The following SLAIN1 variants were observed in gnomAD, a reference collection of about 807,000 sequenced individuals.
SLAIN1 encodes the protein SLAIN motif-containing protein 1.
Under a neutral mutation model 55.4 loss-of-function variants are expected in SLAIN1, and 17 were observed. The ratio of observed to expected loss-of-function variants is 0.31; its 90% CI spans 0.21 to 0.46. SLAIN1 has a LOEUF of 0.46. SLAIN1 is among the 20% of genes least tolerant of loss of function. SLAIN1 has a pLI of 1.00. For missense variants in SLAIN1, 682 were observed against 785.1 expected (o/e 0.87, Z 1.57); for synonymous variants, 348 against 337.4 (o/e 1.03, Z -0.35).
chr13:77,760,755 T>C (rs1487786720), intron 5 of SLAIN1, 73 bp from the exon 6 acceptor site: 3 of 1,528,186 alleles, frequency 2.0e-6, no homozygotes, highest in Non-Finnish European at 2.7e-6. Context: ...TGGACTCTTC[T>C]GAAAATAACA....
At chr13:77,740,903 A>G (rs530117013) in intron 2 of SLAIN1, among the ~76,000 whole-genome samples, 1 of 151,996 alleles carries the variant, frequency 6.6e-6, no homozygotes, top group East Asian at 1.9e-4. Flanking sequence ...GTGGAGCATT[A>G]TTGTTTTGTT....
chr13:77,757,910 T>G (rs1312249398), intron 5 of SLAIN1, among the ~76,000 whole-genome samples: 1 of 152,160 alleles, frequency 6.6e-6, no homozygotes, highest in African/African-American at 2.4e-5. Context: ...ATGTGTCTTT[T>G]TTTCAAATAA....
intron 2 of SLAIN1, among the ~76,000 whole-genome samples, chr13:77,737,237 A>G (rs567478036): frequency 3.3e-5 from 5 of 151,974 alleles, no homozygotes; most frequent in African/African-American, 1.2e-4. Flanking sequence ...CTTCAGCTCA[A>G]ATGTGGCTCA....
chr13:77,720,265 CTG>C (rs2091248931), intron 2 of SLAIN1, among the ~76,000 whole-genome samples: 1 of 152,136 alleles, frequency 6.6e-6, no homozygotes, highest in Non-Finnish European at 1.5e-5. Context: ...CTACTTGAAG[CTG>C]TAATTATGTA....
intron 2 of SLAIN1, among the ~76,000 whole-genome samples, chr13:77,742,127 A>T (rs910440935): frequency 2.0e-5 from 3 of 151,856 alleles, no homozygotes; most frequent in African/African-American, 7.2e-5. Flanking sequence ...ACATGGAGAT[A>T]CAAGGGGTGG....
chr13:77,720,853 A>AT (rs1359766209), intron 2 of SLAIN1, among the ~76,000 whole-genome samples: 1 of 152,214 alleles, frequency 6.6e-6, no homozygotes, highest in East Asian at 1.9e-4. Flanking sequence ...GAAAGAATGT[A>AT]TTTTATTAAC....
chr13:77,698,674 C>A lies in SLAIN1; in HGVS notation c.626+135C>A. 7.9e-7 allele frequency: 1 copy of A among 1,260,120 alleles called. No individual in the cohort carries two copies. Among genetic ancestry groups the A allele is most frequent in the East Asian group, 3.0e-5 (1 of 33,740 alleles). 78.1% of individuals were successfully genotyped at this position (1,260,120 alleles called of 1,614,324 possible). ...TCCCCGCGGCTCCCGGAGGGGCCGA[C>A]CCAGCAGGTGTTGAGCCAGGCGGTG... On this transcript the variant is annotated intron_variant, in intron 1 of 6. Coordinates refer to ENST00000418532, the MANE Select transcript of SLAIN1 (RefSeq NM_001242868.2). The surrounding 1 kb of genome is among the most constrained non-coding windows in gnomAD (Gnocchi z 4.1).
intron 5 of SLAIN1, among the ~76,000 whole-genome samples, chr13:77,753,872 G>A (rs1234002487): frequency 2.6e-5 from 4 of 152,050 alleles, no homozygotes; most frequent in African/African-American, 9.7e-5. Flanking sequence ...ATTTTAGAGT[G>A]TCTAAAGTAG....
chr13:77,708,978 G>T (rs1003810352), intron 1 of SLAIN1, among the ~76,000 whole-genome samples: 4 of 151,954 alleles, frequency 2.6e-5, no homozygotes, highest in African/African-American at 9.7e-5. Flanking sequence ...AGCTAAAGGA[G>T]CATGTTCTAA....
chr13:77,747,187 C>T (rs1490401846), intron 4 of SLAIN1, among the ~76,000 whole-genome samples: 1 of 152,108 alleles, frequency 6.6e-6, no homozygotes, highest in Non-Finnish European at 1.5e-5. Context: ...AGGTAATCTG[C>T]CCGCCTTAGC....
intron 5 of SLAIN1, among the ~76,000 whole-genome samples, chr13:77,758,775 A>G (rs1377611953): frequency 2.0e-5 from 3 of 152,080 alleles, no homozygotes; most frequent in African/African-American, 4.8e-5. Context: ...ATTCTGTTCA[A>G]TTGGTCGATA....
intron 1 of SLAIN1, among the ~76,000 whole-genome samples, chr13:77,717,054 A>T (rs888331449): frequency 1.3e-5 from 2 of 152,126 alleles, no homozygotes; most frequent in Non-Finnish European, 2.9e-5. Context: ...GAGAATTTTT[A>T]TCAGGAGTGG....
In SLAIN1 at chr13:77,763,836, T is replaced by C; in HGVS notation, c.*616T>C. On this transcript the variant is annotated 3_prime_UTR_variant, in exon 7 of 7. Coordinates refer to ENST00000418532, the MANE Select transcript of SLAIN1 (RefSeq NM_001242868.2). ...TCATGCAATTTGAGACACATAATTT[T>C]GTGTTGAATGAGCACAACATAATTT... is the stretch of plus-strand genomic sequence containing the variant. 1 of 152,800 alleles carries C rather than the reference T, an allele frequency of 6.5e-6. No individual in the cohort carries two copies. Among genetic ancestry groups the C allele is most frequent in the Non-Finnish European group, 1.5e-5 (1 of 68,048 alleles). 9.5% of individuals were successfully genotyped at this position (152,800 alleles called of 1,614,324 possible). A position where few individuals can be genotyped will look rare whatever the true frequency, so the allele number is the denominator to read the frequency against.
In SLAIN1 at chr13:77,746,816, G is replaced by C; in HGVS notation, c.1219G>C (p.Ala407Pro). 2 of 1,613,622 alleles carry C rather than the reference G, an allele frequency of 1.2e-6. No homozygotes were observed. The highest frequency in any genetic ancestry group is 1.7e-6 in the Non-Finnish European group (2 of 1,179,712). ...GCAGCAACAGTATTATTCACCTCAA[G>C]CCCAAACTCCAGATCAGCAACCAAA... Reference protein sequence around the residue: ...YQQQQYYSPQAQTPDQQPNRT... With the variant: ...YQQQQYYSPQPQTPDQQPNRT... The change falls in exon 4 of 7, where the codon GCC becomes CCC. Residue 407 changes from alanine (A) to proline (P), a missense_variant. Physicochemically the swap from Ala to Pro is conservative, Grantham distance 27 (BLOSUM62 -1). Transcript: ENST00000418532.
At chr13:77,706,249 TA>T (rs1262030276) in intron 1 of SLAIN1, among the ~76,000 whole-genome samples, 1 of 152,134 alleles carries the variant, frequency 6.6e-6, no homozygotes, top group Non-Finnish European at 1.5e-5. Context: ...TCCCTTCTCA[TA>T]ATGGTTTTTA....
intron 2 of SLAIN1, among the ~76,000 whole-genome samples, chr13:77,725,946 T>A (rs1278271361): frequency 6.6e-6 from 1 of 152,254 alleles, no homozygotes; most frequent in East Asian, 1.9e-4. Flanking sequence ...TTATTTGTAC[T>A]GTAACTTCTT....
chr13:77,749,498 T>C (rs187721369), intron 4 of SLAIN1, among the ~76,000 whole-genome samples: 185 of 152,278 alleles, frequency 1.2e-3, no homozygotes, highest in Admixed American at 3.9e-3. Context: ...TGGTGGACAA[T>C]GAGTGTCTCC....
Position 77,698,463 on chromosome 13 carries a change from C to G in SLAIN1, c.550C>G (p.Pro184Ala). The change falls in exon 1 of 7, where the codon CCC (proline) becomes GCC (alanine). Residue 184 changes from proline (P) to alanine (A), a missense_variant. By Grantham distance (27) the Pro-to-Ala change is conservative. Transcript: ENST00000418532. This position sits in a 1 kb window ranked among gnomAD's most constrained non-coding sequence, Gnocchi z 4.1. ...GAAAAPPSPP[P>A]TLLDEVELLD... Reference sequence around the variant, plus strand: ...AGCTGCAGCGCCGCCCTCGCCGCCCCCCACGCTGCTGGACGAGGTGGAATT... The same window carrying G: ...AGCTGCAGCGCCGCCCTCGCCGCCCGCCACGCTGCTGGACGAGGTGGAATT... 1 of 1,446,888 alleles carries G rather than the reference C, an allele frequency of 6.9e-7. No individual in the cohort carries two copies. The highest frequency in any genetic ancestry group is 9.0e-7 in the Non-Finnish European group (1 of 1,105,088). The allele number at this position is 1,446,888 out of a possible 1,614,324, so 89.6% of individuals were successfully genotyped here. A position where few individuals can be genotyped will look rare whatever the true frequency, so the allele number is the denominator to read the frequency against.
chr13:77,758,327 A>T (rs973026387), intron 5 of SLAIN1, among the ~76,000 whole-genome samples: 1 of 151,840 alleles, frequency 6.6e-6, no homozygotes, highest in African/African-American at 2.4e-5. Context: ...TCTAGCTATT[A>T]GTCCTTTATC....
Sources: gnomAD v4.1 joint callset for allele counts (sites outside exome capture counted in the v4.1 genomes callset) on GRCh38, gnomAD v4.1.1 for gene constraint, Gnocchi (gnomAD v3.1) non-coding constraint, MANE v1.5 for transcripts, NCBI Gene and HGNC (gene_info 2026-07-23, HGNC 2026-07-21) for gene names.